PCM1: variants seen among roughly 807,000 people sequenced by gnomAD.
The protein encoded by PCM1 is pericentriolar material 1 protein.
In PCM1, 157 loss-of-function variants were observed where a neutral mutation model predicts 241.9. The observed-to-expected ratio is 0.65, with a 90% CI of 0.57 to 0.74. The LOEUF (loss-of-function observed/expected upper bound fraction) is 0.74, where lower values mean the gene tolerates loss of function less well. PCM1 is among the 30% of genes least tolerant of loss of function. The pLI, the probability that PCM1 is intolerant of heterozygous loss-of-function variation, is 0.00. For synonymous variants in PCM1, 1,085 were observed against 784.9 expected, an observed-to-expected ratio of 1.38 and a Z score of -6.39; for missense variants, 3,478 against 2,360.1, an observed-to-expected ratio of 1.47 and a Z score of -9.81.
chr8:17,972,540 G>C lies in PCM1; in HGVS notation c.3796G>C (p.Asp1266His). 6.2e-7 allele frequency: 1 copy of C among 1,613,848 alleles called. No homozygotes were observed. ...ACTGGAAAGCTTTAGCAGTATGCCTGATCCAGTAGATCCAACAACAGTGAC... is the reference window on the plus strand; with the variant it reads ...ACTGGAAAGCTTTAGCAGTATGCCTCATCCAGTAGATCCAACAACAGTGAC... Reference protein sequence around the residue: ...ESLESFSSMPDPVDPTTVTKT... With the variant: ...ESLESFSSMPHPVDPTTVTKT... Residue 1266 changes from aspartate to histidine, a missense_variant, in exon 23 of 39, where the codon GAT becomes CAT. Transcript: ENST00000325083.
chr8:18,001,191 G>A (rs1003213205), intron 29 of PCM1, among the ~76,000 whole-genome samples: 1 of 152,188 alleles, frequency 6.6e-6, no homozygotes, highest in Non-Finnish European at 1.5e-5. Context: ...GTTGATGGCT[G>A]CTATGAGGTC....
chr8:17,953,604 A>G (rs555641047), intron 9 of PCM1, among the ~76,000 whole-genome samples: 19 of 152,350 alleles, frequency 1.2e-4, no homozygotes, highest in African/African-American at 4.6e-4. Flanking sequence ...ACAAAAAACA[A>G]AACTATGAAA....
At position 17,938,736 on chromosome 8, in the gene PCM1, A is replaced by T. The variant is rs752167088; in HGVS notation, c.343-4A>T. The T allele has an allele frequency of 1.4e-5, 22 of 1,605,282 alleles. No homozygotes were observed. The highest frequency in any genetic ancestry group is 1.9e-5 in the Non-Finnish European group (22 of 1,172,518). On this transcript the variant is annotated splice_polypyrimidine_tract_variant and splice_region_variant and intron_variant, in intron 4 of 38. Coordinates refer to ENST00000325083, the MANE Select transcript of PCM1 (RefSeq NM_006197.4). ...GTGTGATTTGATTTCTTTTTCATATATAGAGAAGCATTGGAAGTGATTCCC... is the reference window on the plus strand; with the variant it reads ...GTGTGATTTGATTTCTTTTTCATATTTAGAGAAGCATTGGAAGTGATTCCC...
Position 18,011,690 on chromosome 8 carries a change from G to C in PCM1, c.5374G>C (p.Ala1792Pro). 1.9e-6 allele frequency: 3 copies of C among 1,611,408 alleles called. No individual in the cohort carries two copies. The highest frequency in any genetic ancestry group is 2.5e-6 in the Non-Finnish European group (3 of 1,178,668). Residue 1792 changes from alanine to proline, a missense_variant, in exon 34 of 39, where the codon GCT (alanine) becomes CCT (proline). Physicochemically the swap from Ala to Pro is conservative, Grantham distance 27 (BLOSUM62 -1). Coordinates refer to ENST00000325083, the MANE Select transcript of PCM1 (RefSeq NM_006197.4). ...AGATTTGTCTAAAGCTGAAACTCAGGCTTTAACTAATTATGGAAGTGGAGA... is the reference window on the plus strand; with the variant it reads ...AGATTTGTCTAAAGCTGAAACTCAGCCTTTAACTAATTATGGAAGTGGAGA... ...SINLSKAETQ[A>P]LTNYGSGEDE... is the part of the protein sequence containing the mutation.
At chr8:18,022,245 T>TAAAC (rs1023654754) in intron 36 of PCM1, among the ~76,000 whole-genome samples, 1 of 152,092 alleles carries the variant, frequency 6.6e-6, no homozygotes, top group African/African-American at 2.4e-5. Flanking sequence ...CATCGTGAAG[T>TAAAC]AAACAACTTA....
intron 38 of PCM1, among the ~76,000 whole-genome samples, chr8:18,027,175 C>G (rs890814095): frequency 6.6e-6 from 1 of 152,172 alleles, no homozygotes; most frequent in African/African-American, 2.4e-5. Context: ...ATCAGACCTT[C>G]AGTTAATTTC....
intron 24 of PCM1, among the ~76,000 whole-genome samples, chr8:17,983,895 C>G (rs1241756861): frequency 6.6e-6 from 1 of 151,866 alleles, no homozygotes; most frequent in Non-Finnish European, 1.5e-5. Flanking sequence ...TCTAAAGATA[C>G]AAAACAAGGA....
At position 17,991,162 on chromosome 8, in the gene PCM1, T is replaced by C. The variant is rs530006271; in HGVS notation, c.4532-380T>C. Among the ~76,000 whole-genome samples, 4 of 152,286 alleles carry C rather than the reference T, an allele frequency of 2.6e-5. No individual in the cohort carries two copies. In the East Asian group the frequency reaches 7.7e-4, roughly 29 times the overall value. ...CTAATTTGCTTGTTTTAGGTTGCGT[T>C]GTTTTCATCAGAATTTGCATGACAT... On this transcript the variant is annotated intron_variant, in intron 27 of 38. Coordinates refer to ENST00000325083, the MANE Select transcript of PCM1 (RefSeq NM_006197.4).
rs1346792232 is a variant in PCM1 at position 17,939,380 on chromosome 8, C to A, written c.613-311C>A. Among the ~76,000 whole-genome samples, 4 of 36,792 alleles carry A rather than the reference C, an allele frequency of 1.1e-4. No individual in the cohort carries two copies. The South Asian group carries it at 1.6e-3, about 15-fold the overall frequency. 24.1% of individuals were successfully genotyped at this position (36,792 alleles called of 152,430 possible). A position where few individuals can be genotyped will look rare whatever the true frequency, so the allele number is the denominator to read the frequency against. ...ATAATACATTTAATTAATTTATAAA[C>A]ATTAGGAAAATTTATATAAAAAATT... is the stretch of plus-strand genomic sequence containing the variant. On this transcript the variant is annotated intron_variant, in intron 5 of 38. Transcript: ENST00000325083.
intron 29 of PCM1, among the ~76,000 whole-genome samples, chr8:17,998,070 G>A (rs2087628932): frequency 6.6e-6 from 1 of 151,616 alleles, no homozygotes; most frequent in South Asian, 2.1e-4. Flanking sequence ...TTCCCTTCCT[G>A]TGTTATCTTG....
chr8:18,009,757 C>T lies in PCM1; in HGVS notation c.5160+13C>T, dbSNP rs951694333. On this transcript the variant is annotated intron_variant, in intron 31 of 38. Coordinates refer to ENST00000325083, the MANE Select transcript of PCM1 (RefSeq NM_006197.4). ...TTGTGCCAAAGAGGTAAATAACGTT[C>T]ATTTTGATTTTTAGGATAATTGACA... The T allele has an allele frequency of 1.4e-6, 2 of 1,393,638 alleles. No homozygotes were observed. The highest frequency in any genetic ancestry group is 9.4e-7 in the Non-Finnish European group (1 of 1,062,022). The allele number at this position is 1,393,638 out of a possible 1,614,324, so 86.3% of individuals were successfully genotyped here.
intron 3 of PCM1, 100 bp downstream of exon 3, chr8:17,935,806 C>T (rs923446156): frequency 7.9e-6 from 5 of 633,548 alleles, no homozygotes; most frequent in African/African-American, 7.2e-5. Context: ...TTTGTATACA[C>T]TTGCTGGCCA....
At chr8:17,974,968 C>G (rs1415246004) in intron 23 of PCM1, among the ~76,000 whole-genome samples, 1 of 152,020 alleles carries the variant, frequency 6.6e-6, no homozygotes, top group Non-Finnish European at 1.5e-5. Context: ...CAAATTAGCT[C>G]AATCCTTGCT....
intron 36 of PCM1, among the ~76,000 whole-genome samples, chr8:18,020,413 A>G (rs35518625): frequency 1.3e-5 from 2 of 152,136 alleles, no homozygotes; most frequent in African/African-American, 4.8e-5. Context: ...ACATGTCTTA[A>G]TAAGTAGACT....
rs563619693 is a variant in PCM1 at position 17,990,237 on chromosome 8, T to C, written c.4531+258T>C. 6.6e-5 allele frequency among the ~76,000 whole-genome samples: 10 copies of C among 152,212 alleles called. No homozygotes were observed. In the South Asian group the frequency reaches 1.9e-3, roughly 28 times the overall value. On this transcript the variant is annotated intron_variant, in intron 27 of 38. Transcript: ENST00000325083. ...ACCTTGCTATGTTCTTGTGAAAATATAATGTAACTTACTTGCTTGAGTTCA... is the reference window on the plus strand; with the variant it reads ...ACCTTGCTATGTTCTTGTGAAAATACAATGTAACTTACTTGCTTGAGTTCA...
chr8:17,938,500 T>G (rs2061099284), intron 4 of PCM1, among the ~76,000 whole-genome samples: 2 of 152,184 alleles, frequency 1.3e-5, no homozygotes, highest in African/African-American at 4.8e-5. Context: ...TAGACTTACC[T>G]TGTTCATATT....
chr8:18,028,310 C>T lies in PCM1; in HGVS notation c.*648C>T, dbSNP rs1421091787. 1.0e-5 allele frequency: 1 copy of T among 96,682 alleles called. No homozygotes were observed. Among genetic ancestry groups the T allele is most frequent in the African/African-American group, 7.9e-5 (1 of 12,618 alleles). The allele number at this position is 96,682 out of a possible 1,614,324, so 6.0% of individuals were successfully genotyped here. On this transcript the variant is annotated 3_prime_UTR_variant, in exon 39 of 39. Coordinates refer to ENST00000325083, the MANE Select transcript of PCM1 (RefSeq NM_006197.4). ...ATAGGTTCTCAGTATCTAGAACTTA[C>T]ATCATTATCATCTGTTTGTTAGGAT...
chr8:17,952,301 T>G lies in PCM1; in HGVS notation c.1072-669T>G, dbSNP rs7836639. 1.3e-5 allele frequency among the ~76,000 whole-genome samples: 2 copies of G among 151,732 alleles called. 1 individual carries two copies. The highest frequency in any genetic ancestry group is 4.2e-4 in the South Asian group (2 of 4,812). ...GAAGTGGTGGGAAAAATTGATAGGTTAAGAAGTTAAAGTTTACAGTGGTAG... is the reference window on the plus strand; with the variant it reads ...GAAGTGGTGGGAAAAATTGATAGGTGAAGAAGTTAAAGTTTACAGTGGTAG... On this transcript the variant is annotated intron_variant, in intron 8 of 38. Transcript: ENST00000325083.
chr8:18,010,637 C>T lies in PCM1; in HGVS notation c.5189C>T (p.Ser1730Leu), dbSNP rs199509688. 44 of 1,603,928 alleles carry T rather than the reference C, an allele frequency of 2.7e-5. No individual in the cohort carries two copies. Among genetic ancestry groups the T allele is most frequent in the East Asian group, 9.0e-5 (4 of 44,322 alleles). Residue 1730 changes from serine (S) to leucine (L), a missense_variant, in exon 32 of 39, where the codon TCA (serine) becomes TTA (leucine). Coordinates refer to ENST00000325083, the MANE Select transcript of PCM1 (RefSeq NM_006197.4). ...EAKRILEDHG[S>L]PAGEIDDEDK... ...AAAAGGATTCTTGAAGATCATGGCTCACCTGCTGGAGAGATTGATGATGAA... is the reference window on the plus strand; with the variant it reads ...AAAAGGATTCTTGAAGATCATGGCTTACCTGCTGGAGAGATTGATGATGAA...
Sources: gnomAD v4.1 joint callset for allele counts (sites outside exome capture counted in the v4.1 genomes callset) on GRCh38, gnomAD v4.1.1 for gene constraint, MANE v1.5 for transcripts, NCBI Gene and HGNC (gene_info 2026-07-23, HGNC 2026-07-21) for gene names.